The following RFC2 variants were observed in gnomAD, a reference collection of about 807,000 sequenced individuals.
The protein encoded by RFC2 is A1 40 kDa subunit.
Under a neutral mutation model 44.8 loss-of-function variants are expected in RFC2, and 34 were observed. The ratio of observed to expected loss-of-function variants is 0.76; its 90% CI spans 0.58 to 1.01. The LOEUF (loss-of-function observed/expected upper bound fraction) is 1.01. RFC2 is among the 50% of genes least tolerant of loss of function. The pLI, the probability that RFC2 is intolerant of heterozygous loss-of-function variation, is 0.00. For missense variants in RFC2, 400 were observed against 453.6 expected, an observed-to-expected ratio of 0.88 and a Z score of 1.07; for synonymous variants, 177 against 168.9, an observed-to-expected ratio of 1.05 and a Z score of -0.37.
chr7:74,241,249 G>A (rs1554719243), intron 6 of RFC2, among the ~76,000 whole-genome samples: 1 of 152,122 alleles, frequency 6.6e-6, no homozygotes, highest in Non-Finnish European at 1.5e-5. Flanking sequence ...ACCTAGGAAT[G>A]CATTTTTCTC....
intron 1 of RFC2, chr7:74,253,782 G>A (rs1371788536): frequency 6.2e-6 from 1 of 161,552 alleles, no homozygotes; most frequent in Non-Finnish European, 1.4e-5. Context: ...TTAGGAGGCT[G>A]AGGCAGGGGG....
chr7:74,237,127 T>C (rs1190399319), intron 9 of RFC2, among the ~76,000 whole-genome samples: 1 of 151,918 alleles, frequency 6.6e-6, no homozygotes, highest in Non-Finnish European at 1.5e-5. Context: ...AATTTTTTTT[T>C]TTTCCTGAGA....
chr7:74,249,898 C>A, intron 2 of RFC2, 118 bp from the exon 3 acceptor site: 1 of 861,682 alleles, frequency 1.2e-6, no homozygotes, highest in African/African-American at 1.7e-5. Context: ...ATGGCTCAGG[C>A]CTGTAATCCT....
At chr7:74,246,846 C>A (rs934153719) in intron 4 of RFC2, 83 bp from the exon 5 acceptor site, 5 of 812,802 alleles carry the variant, frequency 6.2e-6, no homozygotes, top group African/African-American at 1.8e-5. Context: ...ATCGGTATAT[C>A]AGGGACTGTG....
intron 10 of RFC2, among the ~76,000 whole-genome samples, chr7:74,234,377 G>A (rs568942896): frequency 6.6e-6 from 1 of 152,278 alleles, no homozygotes; most frequent in Admixed American, 6.6e-5. Context: ...GATGGTGATA[G>A]TGTTTGCATG....
chr7:74,233,031 C>T (rs782456069), intron 10 of RFC2, among the ~76,000 whole-genome samples: 2 of 151,470 alleles, frequency 1.3e-5, no homozygotes, highest in Non-Finnish European at 2.9e-5. Context: ...CATAGCAACA[C>T]CCAAACTCTA....
intron 4 of RFC2, among the ~76,000 whole-genome samples, chr7:74,248,788 C>G (rs1803767947): frequency 6.6e-6 from 1 of 152,088 alleles, no homozygotes; most frequent in Admixed American, 6.6e-5. Flanking sequence ...AGGTGTGAGC[C>G]ACCATGCCTG....
chr7:74,237,663 G>T (rs1213501905), intron 8 of RFC2, among the ~76,000 whole-genome samples: 1 of 152,192 alleles, frequency 6.6e-6, no homozygotes, highest in Non-Finnish European at 1.5e-5. Context: ...ACATAAGACA[G>T]ATGAACAAGA....
Position 74,238,792 on chromosome 7 carries a change from G to A in RFC2, c.759+131C>T. 4.3e-6 allele frequency: 3 copies of A among 692,216 alleles called. 1 individual carries two copies. The South Asian group carries it at 5.0e-5, about 11-fold the overall frequency. 42.9% of individuals were successfully genotyped at this position (692,216 alleles called of 1,614,324 possible). A position where few individuals can be genotyped will look rare whatever the true frequency, so the allele number is the denominator to read the frequency against. On this transcript the variant is annotated intron_variant, in intron 8 of 10. Coordinates refer to ENST00000055077, the MANE Select transcript of RFC2 (RefSeq NM_181471.3). The surrounding 1 kb of genome is among the most constrained non-coding windows in gnomAD (Gnocchi z 4.0). ...ATAGGGAGAGGACAGACGGGAGCAG[G>A]GTGGGCTCCCTGGCACCCACAAGAG... is the stretch of plus-strand genomic sequence containing the variant.
chr7:74,244,006 A>G (rs543025069), intron 5 of RFC2, among the ~76,000 whole-genome samples: 1 of 148,854 alleles, frequency 6.7e-6, no homozygotes, highest in African/African-American at 2.5e-5. Flanking sequence ...ATCCCAGCAC[A>G]TTGGGAGGCC....
intron 6 of RFC2, among the ~76,000 whole-genome samples, chr7:74,242,155 A>G (rs1024986392): frequency 4.6e-5 from 7 of 152,164 alleles, no homozygotes; most frequent in Non-Finnish European, 8.8e-5. Flanking sequence ...ACAAATTCCA[A>G]TGTACAGATA....
intron 2 of RFC2, 123 bp from the exon 3 acceptor site, chr7:74,249,903 A>C (rs1786815347): frequency 1.2e-6 from 1 of 840,790 alleles, no homozygotes; most frequent in South Asian, 1.4e-5. Context: ...TCAGGCCTGT[A>C]ATCCTAGCAG....
chr7:74,237,536 A>G (rs886586874), intron 8 of RFC2, 94 bp from the exon 9 acceptor site: 9 of 638,698 alleles, frequency 1.4e-5, no homozygotes, highest in Non-Finnish European at 2.3e-5. Flanking sequence ...ATCTATGGGT[A>G]AAACTTCTCA....
intron 10 of RFC2, among the ~76,000 whole-genome samples, chr7:74,235,268 C>T (rs782551367): frequency 6.6e-6 from 1 of 152,212 alleles, no homozygotes; most frequent in African/African-American, 2.4e-5. Flanking sequence ...AACTCCTGAC[C>T]TCAGGTGATC....
At chr7:74,240,375 G>A (rs559498475) in intron 6 of RFC2, among the ~76,000 whole-genome samples, 1 of 152,032 alleles carries the variant, frequency 6.6e-6, no homozygotes, top group East Asian at 1.9e-4. Flanking sequence ...GGTGTCGCAC[G>A]TCTGTAATCC....
rs1554718807 is a variant in RFC2 at position 74,238,993 on chromosome 7, T to C, written c.694-5A>G. On this transcript the variant is annotated splice_polypyrimidine_tract_variant and splice_region_variant and intron_variant, in intron 7 of 10. Coordinates refer to ENST00000055077, the MANE Select transcript of RFC2 (RefSeq NM_181471.3). The surrounding 1 kb of genome is among the most constrained non-coding windows in gnomAD (Gnocchi z 4.0). ...GGACTGCAGGTTGTTCAGCGCCTGT[T>C]CAGGAGCAAACACATGTCAAGGATG... 6.2e-7 allele frequency: 1 copy of C among 1,612,664 alleles called. No individual in the cohort carries two copies. The highest frequency in any genetic ancestry group is 1.1e-5 in the South Asian group (1 of 91,056).
rs1805395 is a variant in RFC2, at chr7:74,249,032, T to G, written c.312A>C (p.Glu104Asp). ...CCTACCTGTCATTTGAAGCATTGAG[T>G]TCCAACATGGCATCTTTGAGTGCTG... Reference protein sequence around the residue: ...LGPALKDAMLELNASNDRGID... With the variant: ...LGPALKDAMLDLNASNDRGID... Residue 104 changes from glutamate to aspartate, a missense_variant, in exon 4 of 11, where the codon GAA (glutamate) becomes GAC (aspartate). Coordinates refer to ENST00000055077, the MANE Select transcript of RFC2 (RefSeq NM_181471.3). The G allele has an allele frequency of 6.2e-7, 1 of 1,613,584 alleles. No individual in the cohort carries two copies. Among genetic ancestry groups the G allele is most frequent in the East Asian group, 2.2e-5 (1 of 44,860 alleles).
At position 74,243,257 on chromosome 7, in the gene RFC2, A is replaced by T; in HGVS notation, c.435-11T>A. 6.3e-7 allele frequency: 1 copy of T among 1,599,198 alleles called. No homozygotes were observed. Among genetic ancestry groups the T allele is most frequent in the South Asian group, 1.1e-5 (1 of 90,560 alleles). ...GCTCCGTCGGTCATGCTGAGAAGAA[A>T]AACACAAGTTTGCAAGTGGGACCCA... On this transcript the variant is annotated splice_polypyrimidine_tract_variant and intron_variant, in intron 5 of 10. Coordinates refer to ENST00000055077, the MANE Select transcript of RFC2 (RefSeq NM_181471.3).
At chr7:74,233,505 G>A (rs1802839576) in intron 10 of RFC2, among the ~76,000 whole-genome samples, 1 of 151,522 alleles carries the variant, frequency 6.6e-6, no homozygotes, top group South Asian at 2.1e-4. Flanking sequence ...ATGATTAAAT[G>A]TTCAGCATAG....
Sources: gnomAD v4.1 joint callset for allele counts (sites outside exome capture counted in the v4.1 genomes callset) on GRCh38, gnomAD v4.1.1 for gene constraint, Gnocchi (gnomAD v3.1) non-coding constraint, MANE v1.5 for transcripts, NCBI Gene and HGNC (gene_info 2026-07-23, HGNC 2026-07-21) for gene names.